Variants in RFX2 observed in about 807,000 individuals in gnomAD.
The protein encoded by RFX2 is DNA-binding protein RFX2.
RFX2 carries 20 observed loss-of-function variants against 87.8 expected under a neutral mutation model. That is an observed-to-expected ratio of 0.23 (90% CI 0.16 to 0.33). The LOEUF is 0.33. Among genes scored for constraint, RFX2 ranks in the 10% least tolerant of loss-of-function variants. RFX2 has a pLI of 1.00. For missense variants in RFX2, 767 were observed against 1,012.3 expected (o/e 0.76, Z 3.29); for synonymous variants, 397 against 431.3 (o/e 0.92, Z 0.98).
intron 5 of RFX2, among the ~76,000 whole-genome samples, chr19:6,028,056 C>T (rs2086912699): frequency 6.6e-6 from 1 of 152,174 alleles, no homozygotes; most frequent in Admixed American, 6.5e-5. Flanking sequence ...GCTACCACAC[C>T]CTGCCTGCTT....
rs145663631 is a variant in RFX2 at position 6,059,295 on chromosome 19, A to C, written c.-8-11791T>G. On this transcript the variant is annotated intron_variant, in intron 1 of 17. Transcript: ENST00000303657. ...ACGCCTGGCCTTGATTTGACTATTAATATAAAAATTGTCCAAACTAAAGTA... is the reference window on the plus strand; with the variant it reads ...ACGCCTGGCCTTGATTTGACTATTACTATAAAAATTGTCCAAACTAAAGTA... Among the ~76,000 whole-genome samples the C allele has an allele frequency of 2.4e-3, 361 of 152,202 alleles. 4 individuals carry two copies. Among genetic ancestry groups the C allele is most frequent in the East Asian group, 0.019 (100 of 5,180 alleles).
At chr19:6,032,045 A>C (rs1034048105) in intron 5 of RFX2, among the ~76,000 whole-genome samples, 1 of 152,238 alleles carries the variant, frequency 6.6e-6, no homozygotes, top group African/African-American at 2.4e-5. Context: ...ACATGTTACC[A>C]TAGAAGGAGC....
chr19:6,007,057 C>T lies in RFX2; in HGVS notation c.1357G>A (p.Ala453Thr). The T allele has an allele frequency of 6.2e-7, 1 of 1,614,148 alleles. No homozygotes were observed. Among genetic ancestry groups the T allele is most frequent in the South Asian group, 1.1e-5 (1 of 91,082 alleles). Residue 453 changes from alanine (A) to threonine (T), a missense_variant, in exon 12 of 18, where the codon GCG becomes ACG. Transcript: ENST00000303657. This position sits in a 1 kb window ranked among gnomAD's most constrained non-coding sequence, Gnocchi z 8.2. ...MRSCDHILYQ[A>T]LVEILIPDVL... Reference sequence around the variant, plus strand: ...TCGGGGATGAGAATCTCCACCAGCGCCTGGTAGAGGATGTGGTCGCAGCTC... The same window carrying T: ...TCGGGGATGAGAATCTCCACCAGCGTCTGGTAGAGGATGTGGTCGCAGCTC...
In RFX2 at chr19:6,017,000, C is replaced by T. The variant is rs2086734685; in HGVS notation, c.598-729G>A. Among the ~76,000 whole-genome samples the T allele has an allele frequency of 6.6e-6, 1 of 152,052 alleles. No individual in the cohort carries two copies. The highest frequency in any genetic ancestry group is 6.6e-5 in the Admixed American group (1 of 15,260). ...CCACAGCCCTGTGTTCTGTAGTGAG[C>T]AGTGAGCTAACATGTACTGAGATCC... is the stretch of plus-strand genomic sequence containing the variant. On this transcript the variant is annotated intron_variant, in intron 6 of 17. Coordinates refer to ENST00000303657, the MANE Select transcript of RFX2 (RefSeq NM_000635.4). The surrounding 1 kb of genome is among the most constrained non-coding windows in gnomAD (Gnocchi z 5.4).
At position 6,013,023 on chromosome 19, in the gene RFX2, T is replaced by G. The variant is rs775896111; in HGVS notation, c.862A>C (p.Met288Leu). The change falls in exon 8 of 18, where the codon ATG becomes CTG. Residue 288 changes from methionine (M) to leucine (L), a missense_variant. By Grantham distance (15) the Met-to-Leu change is conservative. Coordinates refer to ENST00000303657, the MANE Select transcript of RFX2 (RefSeq NM_000635.4). This position sits in a 1 kb window ranked among gnomAD's most constrained non-coding sequence, Gnocchi z 4.1. Reference sequence around the variant, plus strand: ...TGCATGGGCTGCTGCCGCATGGCCATGTACTGCGTGTCCTCCTGCAGCCGG... The same window carrying G: ...TGCATGGGCTGCTGCCGCATGGCCAGGTACTGCGTGTCCTCCTGCAGCCGG... ...LNRLQEDTQY[M>L]AMRQQPMHQK... The G allele has an allele frequency of 1.2e-5, 20 of 1,601,720 alleles. No individual in the cohort carries two copies. The highest frequency in any genetic ancestry group is 1.7e-5 in the Non-Finnish European group (20 of 1,174,416).
rs2086682763 is a variant in RFX2 at position 6,013,215 on chromosome 19, T to A, written c.780-110A>T. On this transcript the variant is annotated intron_variant, in intron 7 of 17. Coordinates refer to ENST00000303657, the MANE Select transcript of RFX2 (RefSeq NM_000635.4). The surrounding 1 kb of genome is among the most constrained non-coding windows in gnomAD (Gnocchi z 4.1). ...TCTTTTTTTTTTTTGAGACAGAATC[T>A]CATTCTGTCGCCCAGGCTGGAGTAC... 6 of 1,153,174 alleles carry A rather than the reference T, an allele frequency of 5.2e-6. No homozygotes were observed. In the Admixed American group the frequency reaches 8.3e-5, roughly 16 times the overall value. The allele number at this position is 1,153,174 out of a possible 1,614,324, so 71.4% of individuals were successfully genotyped here. A position where few individuals can be genotyped will look rare whatever the true frequency, so the allele number is the denominator to read the frequency against.
At chr19:6,033,615 CAAAA>C (rs34581899) in intron 5 of RFX2, among the ~76,000 whole-genome samples, 3 of 60,428 alleles carry the variant, frequency 5.0e-5, no homozygotes, top group Non-Finnish European at 9.9e-5. Flanking sequence ...CCCACCTTTG[CAAAA>C]AAAAAAAAAA....
At chr19:6,092,033 T>G (rs2087943584) in intron 1 of RFX2, among the ~76,000 whole-genome samples, 1 of 152,160 alleles carries the variant, frequency 6.6e-6, no homozygotes, top group Non-Finnish European at 1.5e-5. Flanking sequence ...GGAGGAAAAC[T>G]GTGGAGGTTG....
chr19:6,036,784 C>T (rs2087031511), intron 5 of RFX2, among the ~76,000 whole-genome samples: 1 of 152,188 alleles, frequency 6.6e-6, no homozygotes, highest in South Asian at 2.1e-4. Flanking sequence ...ACATCACATA[C>T]TTAGCAGTGA....
Position 6,007,091 on chromosome 19 carries a change from C to T in RFX2, c.1323G>A (p.Arg441=). 6.2e-7 allele frequency: 1 copy of T among 1,614,112 alleles called. No homozygotes were observed. Among genetic ancestry groups the T allele is most frequent in the Non-Finnish European group, 8.5e-7 (1 of 1,179,980 alleles). Residue 441 remains arginine (R), a synonymous_variant, in exon 12 of 18, where the codon AGG becomes AGA. Coordinates refer to ENST00000303657, the MANE Select transcript of RFX2 (RefSeq NM_000635.4). This position sits in a 1 kb window ranked among gnomAD's most constrained non-coding sequence, Gnocchi z 8.2. ...ISLCQCDPIL[R]WMRSCDHILY... is the part of the protein sequence containing the mutation. Reference sequence around the variant, plus strand: ...GGATGTGGTCGCAGCTCCTCATCCACCTGAGGATGGGGTCGCACTGACACA... The same window carrying T: ...GGATGTGGTCGCAGCTCCTCATCCATCTGAGGATGGGGTCGCACTGACACA...
chr19:6,018,250 G>A (rs536666566), intron 6 of RFX2, among the ~76,000 whole-genome samples: 63 of 152,298 alleles, frequency 4.1e-4, no homozygotes, highest in Non-Finnish European at 8.4e-4. Context: ...GATTACAGGC[G>A]TGAGCCACCG....
chr19:6,088,154 T>A (rs1266720720), intron 1 of RFX2, among the ~76,000 whole-genome samples: 1 of 148,050 alleles, frequency 6.8e-6, no homozygotes, highest in Non-Finnish European at 1.5e-5. Context: ...TAACCCAGGC[T>A]GGCCAGGGCC....
rs609898 is a variant in RFX2, at chr19:6,017,069, A to G, written c.598-798T>C. 0.042 allele frequency among the ~76,000 whole-genome samples: 6,387 copies of G among 152,234 alleles called. 447 individuals are homozygous for G. The highest frequency in any genetic ancestry group is 0.15 in the African/African-American group (6,050 of 41,514). ...AATGGAAATTCAGTAAAATACACAA[A>G]TGCTTATATGCACGGTTTTGTGTCT... is the stretch of plus-strand genomic sequence containing the variant. On this transcript the variant is annotated intron_variant, in intron 6 of 17. Coordinates refer to ENST00000303657, the MANE Select transcript of RFX2 (RefSeq NM_000635.4). This position sits in a 1 kb window ranked among gnomAD's most constrained non-coding sequence, Gnocchi z 4.1.
At chr19:6,070,535 T>A (rs569214493) in intron 1 of RFX2, among the ~76,000 whole-genome samples, 1 of 152,178 alleles carries the variant, frequency 6.6e-6, no homozygotes, top group African/African-American at 2.4e-5. Flanking sequence ...TAAAGTATGA[T>A]GACCTAGGTC....
chr19:6,008,258 G>A lies in RFX2; in HGVS notation c.1016-34C>T, dbSNP rs1256169938. ...GGAACACGGGAACATCAGAAATGGC[G>A]AGGCTCTTAGGACACCGTGGACAAC... On this transcript the variant is annotated intron_variant, in intron 9 of 17. Coordinates refer to ENST00000303657, the MANE Select transcript of RFX2 (RefSeq NM_000635.4). 5 of 1,426,264 alleles carry A rather than the reference G, an allele frequency of 3.5e-6. No individual in the cohort carries two copies. The East Asian group carries it at 7.1e-5, about 20-fold the overall frequency. The allele number at this position is 1,426,264 out of a possible 1,614,324, so 88.4% of individuals were successfully genotyped here. A position where few individuals can be genotyped will look rare whatever the true frequency, so the allele number is the denominator to read the frequency against.
Position 6,007,129 on chromosome 19 carries a change from T to C in RFX2, c.1285A>G (p.Lys429Glu). Reference protein sequence around the residue: ...DPEGAVLPKDKLISLCQCDPI... With the variant: ...DPEGAVLPKDELISLCQCDPI... Reference sequence around the variant, plus strand: ...TCGCACTGACACAGGGAGATAAGCTTGTCCTTGGGCAGGACGGCGCCCTCG... The same window carrying C: ...TCGCACTGACACAGGGAGATAAGCTCGTCCTTGGGCAGGACGGCGCCCTCG... The change falls in exon 12 of 18, where the codon AAG becomes GAG. Residue 429 changes from lysine to glutamate, a missense_variant. By Grantham distance (56) the Lys-to-Glu change is moderately conservative. This residue lies in a region of RFX2 where 621 missense variants were observed against 873.0 expected (regional missense o/e 0.71). Coordinates refer to ENST00000303657, the MANE Select transcript of RFX2 (RefSeq NM_000635.4). The surrounding 1 kb of genome is among the most constrained non-coding windows in gnomAD (Gnocchi z 8.2). 2 of 1,614,114 alleles carry C rather than the reference T, an allele frequency of 1.2e-6. No homozygotes were observed. Among genetic ancestry groups the C allele is most frequent in the Non-Finnish European group, 1.7e-6 (2 of 1,180,010 alleles).
At chr19:6,105,534 C>T (rs927416272) in intron 1 of RFX2, among the ~76,000 whole-genome samples, 12 of 152,008 alleles carry the variant, frequency 7.9e-5, no homozygotes, top group African/African-American at 2.7e-4. Context: ...TGGGAGCCAT[C>T]GGAGGGTTTC....
rs1418886013 is a variant in RFX2, at chr19:5,998,645, G to A, written c.1860-1432C>T. On this transcript the variant is annotated intron_variant, in intron 15 of 17. Coordinates refer to ENST00000303657, the MANE Select transcript of RFX2 (RefSeq NM_000635.4). The surrounding 1 kb of genome is among the most constrained non-coding windows in gnomAD (Gnocchi z 4.2). The stretch of plus-strand genomic sequence containing the variant: ...GGCTTCCAAGCCCCCTTTCCCCAAA[G>A]GCCTCCCCCACGCAGATGAGGTGCT... Among the ~76,000 whole-genome samples, 1 of 152,078 alleles carries A rather than the reference G, an allele frequency of 6.6e-6. No homozygotes were observed. Among genetic ancestry groups the A allele is most frequent in the African/African-American group, 2.4e-5 (1 of 41,416 alleles).
At position 6,001,780 on chromosome 19, in the gene RFX2, C is replaced by T. The variant is rs1340830258; in HGVS notation, c.1859+35G>A. On this transcript the variant is annotated intron_variant, in intron 15 of 17. Transcript: ENST00000303657. The surrounding 1 kb of genome is among the most constrained non-coding windows in gnomAD (Gnocchi z 5.6). ...GAAGTTTCTCTCAGAGCCCCCCACC[C>T]GCCAGAATTCTCTCGGAGGTCTGGT... 26 of 1,544,260 alleles carry T rather than the reference C, an allele frequency of 1.7e-5. No individual in the cohort carries two copies. The highest frequency in any genetic ancestry group is 8.4e-5 in the South Asian group (7 of 83,708).
Sources: allele counts gnomAD v4.1 joint callset (sites outside exome capture counted in the v4.1 genomes callset), GRCh38; gene constraint gnomAD v4.1.1; regional missense constraint gnomAD v4.1.1; non-coding constraint Gnocchi (gnomAD v3.1); transcripts MANE v1.5; gene names NCBI Gene and HGNC (gene_info 2026-07-23, HGNC 2026-07-21).